ADGRB3: variants seen among roughly 807,000 people sequenced by gnomAD.
ADGRB3 encodes the protein brain-specific angiogenesis inhibitor 3.
A neutral mutation model predicts 193.4 loss-of-function variants in ADGRB3; 37 were observed. The ratio of observed to expected loss-of-function variants is 0.19; its 90% CI spans 0.15 to 0.25. ADGRB3 has a LOEUF of 0.25. ADGRB3 is among the 10% of genes least tolerant of loss of function. ADGRB3 has a pLI of 1.00. For synonymous variants in ADGRB3, 690 were observed against 644.2 expected (o/e 1.07, Z -1.08); for missense variants, 1,637 against 1,852.9 (o/e 0.88, Z 2.14).
intron 8 of ADGRB3, among the ~76,000 whole-genome samples, chr6:68,966,275 G>T (rs771459484): frequency 1.3e-5 from 2 of 151,896 alleles, no homozygotes; most frequent in African/African-American, 2.4e-5. Flanking sequence ...TTAGATTGTG[G>T]TAGGCCTCCC....
At chr6:68,868,757 A>C (rs1012225512) in intron 3 of ADGRB3, among the ~76,000 whole-genome samples, 1 of 152,230 alleles carries the variant, frequency 6.6e-6, no homozygotes, top group Non-Finnish European at 1.5e-5. Context: ...AAATATTATG[A>C]TACACATTTG....
chr6:69,269,884 C>T (rs1325815282), intron 20 of ADGRB3, among the ~76,000 whole-genome samples: 3 of 152,092 alleles, frequency 2.0e-5, no homozygotes, highest in Admixed American at 2.0e-4. Context: ...CATACAAAAT[C>T]CTTCTTCCAT....
intron 5 of ADGRB3, 102 bp from the exon 6 acceptor site, chr6:68,943,728 A>T: frequency 1.1e-6 from 1 of 939,882 alleles, no homozygotes; most frequent in Non-Finnish European, 1.5e-6. Flanking sequence ...ACATATCTTT[A>T]CATTTGTCTA....
intron 3 of ADGRB3, among the ~76,000 whole-genome samples, chr6:68,841,431 C>T (rs518644): frequency 0.21 from 32,612 of 151,888 alleles, 4,049 homozygotes; most frequent in East Asian, 0.58. Flanking sequence ...ATAAAACTAT[C>T]AATAGAAATA....
intron 3 of ADGRB3, among the ~76,000 whole-genome samples, chr6:68,876,164 G>A (rs1562067018): frequency 1.3e-5 from 2 of 152,128 alleles, no homozygotes; most frequent in East Asian, 1.9e-4. Flanking sequence ...CTTAAGGAAC[G>A]TCCTGTCTAG....
intron 3 of ADGRB3, among the ~76,000 whole-genome samples, chr6:68,848,156 AAAT>A (rs1161021497): frequency 6.6e-6 from 1 of 152,106 alleles, no homozygotes; most frequent in Non-Finnish European, 1.5e-5. Flanking sequence ...TTAAACATAA[AAAT>A]AAGAAATTGT....
intron 3 of ADGRB3, among the ~76,000 whole-genome samples, chr6:68,649,058 A>G (rs1442405499): frequency 6.6e-6 from 1 of 152,142 alleles, no homozygotes; most frequent in Non-Finnish European, 1.5e-5. Context: ...TGAAGTGTCA[A>G]TTATGCAGAA....
At chr6:68,981,143 CTCACT>C (rs1205141626) in intron 10 of ADGRB3, among the ~76,000 whole-genome samples, 2 of 151,570 alleles carry the variant, frequency 1.3e-5, no homozygotes, top group African/African-American at 2.4e-5. Flanking sequence ...GTTGTGAGTA[CTCACT>C]TACGGAATTC....
At chr6:69,007,693 T>TCTCTCACA (rs1232770873) in intron 11 of ADGRB3, among the ~76,000 whole-genome samples, 8 of 90,080 alleles carry the variant, frequency 8.9e-5, no homozygotes, top group African/African-American at 2.4e-4. Context: ...TCTCTCTCTC[T>TCTCTCACA]CACACACACA....
chr6:69,145,440 G>A (rs950116114), intron 17 of ADGRB3, among the ~76,000 whole-genome samples: 9 of 152,198 alleles, frequency 5.9e-5, no homozygotes, highest in Admixed American at 5.2e-4. Flanking sequence ...TCACAGCCCT[G>A]GCTCAGGGAG....
chr6:69,346,146 A>G (rs1561994371), intron 26 of ADGRB3, among the ~76,000 whole-genome samples: 1 of 152,264 alleles, frequency 6.6e-6, no homozygotes, highest in Non-Finnish European at 1.5e-5. Flanking sequence ...GGAAGAATCA[A>G]TATCATGAAA....
chr6:68,814,183 AG>A, intron 3 of ADGRB3, among the ~76,000 whole-genome samples: 1 of 152,298 alleles, frequency 6.6e-6, no homozygotes, highest in Non-Finnish European at 1.5e-5. Context: ...ACAGTGTAGA[AG>A]TGTTCCTATT....
At position 69,235,025 on chromosome 6, in the gene ADGRB3, T is replaced by C. The variant is rs368203781; in HGVS notation, c.2608-7T>C. The C allele has an allele frequency of 1.9e-6, 3 of 1,598,814 alleles. No homozygotes were observed. The highest frequency in any genetic ancestry group is 1.3e-5 in the African/African-American group (1 of 74,362). ...TTTGTTTCTTTTTTGTTTTGTTTAATTCACAGATCATGGAATCCTCTGGCA... is the reference window on the plus strand; with the variant it reads ...TTTGTTTCTTTTTTGTTTTGTTTAACTCACAGATCATGGAATCCTCTGGCA... On this transcript the variant is annotated splice_region_variant and splice_polypyrimidine_tract_variant and intron_variant, in intron 18 of 31. Coordinates refer to ENST00000370598, the MANE Select transcript of ADGRB3 (RefSeq NM_001704.3).
intron 17 of ADGRB3, among the ~76,000 whole-genome samples, chr6:69,169,894 C>A (rs774078110): frequency 1.3e-5 from 2 of 152,088 alleles, no homozygotes; most frequent in African/African-American, 2.4e-5. Flanking sequence ...GTCTTAACAG[C>A]TTTGAGGTCC....
At position 69,360,943 on chromosome 6, in the gene ADGRB3, G is replaced by T; in HGVS notation, c.3670G>T (p.Asp1224Tyr). ...GTLSRISLND[D>Y]EEEKGTNPEG... ...ACTTTCTAGGATTTCTCTAAATGAT[G>T]ATGAAGAAGAAAAGGGAACAAACCC... is the stretch of plus-strand genomic sequence containing the variant. The change falls in exon 29 of 32, where the codon GAT becomes TAT. Residue 1224 changes from aspartate to tyrosine, a missense_variant. Asp to Tyr is a radical substitution (Grantham distance 160). Transcript: ENST00000370598. 6.2e-7 allele frequency: 1 copy of T among 1,612,512 alleles called. No individual in the cohort carries two copies. Among genetic ancestry groups the T allele is most frequent in the Non-Finnish European group, 8.5e-7 (1 of 1,179,042 alleles).
At chr6:69,020,958 T>G (rs1015832762) in intron 13 of ADGRB3, among the ~76,000 whole-genome samples, 5 of 152,064 alleles carry the variant, frequency 3.3e-5, no homozygotes, top group Non-Finnish European at 2.9e-5. Context: ...TATAATGTTT[T>G]GTCTGATATT....
intron 3 of ADGRB3, among the ~76,000 whole-genome samples, chr6:68,924,299 G>A (rs1453565878): frequency 6.6e-6 from 1 of 151,878 alleles, no homozygotes; most frequent in Admixed American, 6.6e-5. Context: ...TTTCCTGGAT[G>A]GCAAACAGAA....
chr6:68,904,007 A>C (rs1160807515), intron 3 of ADGRB3, among the ~76,000 whole-genome samples: 1 of 141,242 alleles, frequency 7.1e-6, no homozygotes, highest in Non-Finnish European at 1.5e-5. Context: ...AAAAAAAAAA[A>C]GGGGAGAAGA....
chr6:69,140,675 A>C (rs569993856), intron 17 of ADGRB3, among the ~76,000 whole-genome samples: 1 of 152,244 alleles, frequency 6.6e-6, no homozygotes, highest in African/African-American at 2.4e-5. Flanking sequence ...GTAACACAAA[A>C]GATAAATGTT....
Sources: gnomAD v4.1 joint callset for allele counts (sites outside exome capture counted in the v4.1 genomes callset) on GRCh38, gnomAD v4.1.1 for gene constraint, MANE v1.5 for transcripts, NCBI Gene and HGNC (gene_info 2026-07-23, HGNC 2026-07-21) for gene names.